LOC128125817: variants seen among roughly 807,000 people sequenced by gnomAD.
chr1:41,628,289 C>T, the LOC128125817 span, among the ~76,000 whole-genome samples: 1 of 152,172 alleles, frequency 6.6e-6, no homozygotes, highest in African/African-American at 2.4e-5. Flanking sequence ...GTCTCTAACT[C>T]CCGTGGTGCT....
At chr1:41,627,766 C>T in the LOC128125817 span, among the ~76,000 whole-genome samples, 4 of 152,204 alleles carry the variant, frequency 2.6e-5, no homozygotes, top group African/African-American at 9.7e-5. Context: ...GAAGGAGGCC[C>T]TGGAGTCCCC....
chr1:41,602,093 C>T, the LOC128125817 span, among the ~76,000 whole-genome samples: 3 of 151,010 alleles, frequency 2.0e-5, no homozygotes, highest in Non-Finnish European at 4.4e-5. Context: ...GGGATAAATC[C>T]CACTTGGTCA....
the LOC128125817 span, among the ~76,000 whole-genome samples, chr1:41,618,583 G>A: frequency 4.6e-5 from 7 of 152,218 alleles, no homozygotes; most frequent in South Asian, 2.1e-4. Context: ...CCCCTGTCCC[G>A]TTCTTTCCCT....
At chr1:41,593,068 G>A in the LOC128125817 span, among the ~76,000 whole-genome samples, 1 of 152,180 alleles carries the variant, frequency 6.6e-6, no homozygotes. Context: ...CCCTAGTTTT[G>A]TCGAGACCAG....
chr1:41,601,647 G>A, the LOC128125817 span, among the ~76,000 whole-genome samples: 1 of 152,020 alleles, frequency 6.6e-6, no homozygotes, highest in African/African-American at 2.4e-5. Context: ...CTTTTTAATG[G>A]CATCTTTAGG....
At chr1:41,610,474 G>T in the LOC128125817 span, among the ~76,000 whole-genome samples, 3 of 152,214 alleles carry the variant, frequency 2.0e-5, no homozygotes, top group Non-Finnish European at 4.4e-5. Context: ...TGATGGCCTA[G>T]GGGAATCCTA....
chr1:41,606,810 C>T, the LOC128125817 span, among the ~76,000 whole-genome samples: 1 of 151,742 alleles, frequency 6.6e-6, no homozygotes, highest in Non-Finnish European at 1.5e-5. Flanking sequence ...ACTGGAGCAT[C>T]TTGCATGACT....
At chr1:41,587,544 A>G in the LOC128125817 span, among the ~76,000 whole-genome samples, 3 of 152,222 alleles carry the variant, frequency 2.0e-5, no homozygotes, top group Non-Finnish European at 2.9e-5. Context: ...TACCCTTACA[A>G]TTAATATTTG....
At chr1:41,595,412 C>A in the LOC128125817 span, among the ~76,000 whole-genome samples, 1 of 152,328 alleles carries the variant, frequency 6.6e-6, no homozygotes, top group East Asian at 1.9e-4. Context: ...CCATCCTGCT[C>A]TTACACTTTG....
chr1:41,627,373 G>A, the LOC128125817 span, among the ~76,000 whole-genome samples: 3 of 152,140 alleles, frequency 2.0e-5, no homozygotes, highest in Non-Finnish European at 4.4e-5. Flanking sequence ...GTCGGGGCTG[G>A]GATTTGAACT....
At chr1:41,604,269 C>T in the LOC128125817 span, among the ~76,000 whole-genome samples, 1 of 152,128 alleles carries the variant, frequency 6.6e-6, no homozygotes, top group African/African-American at 2.4e-5. Context: ...AAACTGGAAA[C>T]AGCTCAAATG....
the LOC128125817 span, among the ~76,000 whole-genome samples, chr1:41,626,182 C>T: frequency 4.6e-5 from 7 of 151,568 alleles, no homozygotes; most frequent in South Asian, 6.3e-4. Context: ...TGGGCCACCC[C>T]GCCCTCCCCA....
At chr1:41,622,418 C>T in the LOC128125817 span, among the ~76,000 whole-genome samples, 1 of 152,124 alleles carries the variant, frequency 6.6e-6, no homozygotes, top group African/African-American at 2.4e-5. Flanking sequence ...ATGGAGATAA[C>T]GGGAACAGGC....
the LOC128125817 span, among the ~76,000 whole-genome samples, chr1:41,607,717 T>C: frequency 0.094 from 14,291 of 152,282 alleles, 727 homozygotes; most frequent in Middle Eastern, 0.18. Flanking sequence ...AGTTAGGATA[T>C]GTATTAGGAT....
At chr1:41,621,227 C>A in the LOC128125817 span, among the ~76,000 whole-genome samples, 3 of 152,242 alleles carry the variant, frequency 2.0e-5, no homozygotes, top group Admixed American at 1.3e-4. Flanking sequence ...GCCTTGACCC[C>A]CTTCAGCCTC....
At chr1:41,608,425 T>A in the LOC128125817 span, among the ~76,000 whole-genome samples, 1 of 152,212 alleles carries the variant, frequency 6.6e-6, no homozygotes, top group African/African-American at 2.4e-5. Context: ...GTCTCAGACT[T>A]TCCTTAGAGA....
the LOC128125817 span, among the ~76,000 whole-genome samples, chr1:41,594,771 A>C: frequency 2.6e-5 from 4 of 151,962 alleles, no homozygotes; most frequent in African/African-American, 7.3e-5. Flanking sequence ...TATGACTTTT[A>C]GGTTTCACAT....
chr1:41,589,938 C>A, the LOC128125817 span, among the ~76,000 whole-genome samples: 2 of 152,202 alleles, frequency 1.3e-5, no homozygotes, highest in African/African-American at 4.8e-5. Context: ...TACCTGGGAA[C>A]CCAGGGCACA....
At chr1:41,627,807 T>C in the LOC128125817 span, among the ~76,000 whole-genome samples, 29 of 152,198 alleles carry the variant, frequency 1.9e-4, no homozygotes, top group African/African-American at 6.7e-4. Flanking sequence ...TCAATGTAGA[T>C]TCCTGGGTCC....
Sources: allele counts gnomAD v4.1 joint callset (sites outside exome capture counted in the v4.1 genomes callset), GRCh38; gene constraint gnomAD v4.1.1; transcripts MANE v1.5.